USP34: variants seen among roughly 807,000 people sequenced by gnomAD.
The protein encoded by USP34 is ubiquitin specific peptidase 34.
In USP34, 70 loss-of-function variants were observed where a neutral mutation model predicts 460.3. The observed-to-expected ratio is 0.15, with a 90% CI of 0.13 to 0.19. The LOEUF (loss-of-function observed/expected upper bound fraction) is 0.19. Among genes scored for constraint, USP34 ranks in the 10% least tolerant of loss-of-function variants. The pLI, the probability that USP34 is intolerant of heterozygous loss-of-function variation, is 1.00. For missense variants in USP34, 3,985 were observed against 4,236.2 expected (o/e 0.94, Z 1.65); for synonymous variants, 1,647 against 1,405.3 (o/e 1.17, Z -3.85).
intron 1 of USP34, among the ~76,000 whole-genome samples, chr2:61,458,656 GAATGAAGCTAGCAGAGGCTAAGTCATGC>G (rs1695508842): frequency 6.7e-6 from 1 of 148,266 alleles, no homozygotes; most frequent in African/African-American, 2.5e-5. Flanking sequence ...GAGAACAAGG[GAATGAAGCTAGCAGAGGCTAAGTCATGC>G]AGAGCCTTCA....
chr2:61,237,163 T>C (rs2103847315), intron 53 of USP34, among the ~76,000 whole-genome samples: 1 of 152,328 alleles, frequency 6.6e-6, no homozygotes, highest in East Asian at 1.9e-4. Context: ...AATCAGTGAA[T>C]AGCCGGCTTC....
chr2:61,307,427 C>T (rs920800386), intron 27 of USP34, among the ~76,000 whole-genome samples: 4 of 151,466 alleles, frequency 2.6e-5, no homozygotes, highest in African/African-American at 4.9e-5. Flanking sequence ...AACAAACCTG[C>T]GCGTTGTGCA....
rs75112335 is a variant in USP34 at position 61,227,023 on chromosome 2, A to G, written c.7595+44T>C. ...TGGTAAACAATTATGTAAAAATAAT[A>G]AAACCAAACATGCTTTAAACATTTT... On this transcript the variant is annotated intron_variant, in intron 62 of 79. Transcript: ENST00000398571. 172 of 1,548,632 alleles carry G rather than the reference A, an allele frequency of 1.1e-4. 2 individuals carry two copies. The East Asian group carries it at 3.9e-3, about 35-fold the overall frequency.
intron 21 of USP34, among the ~76,000 whole-genome samples, chr2:61,319,935 T>C (rs1457136944): frequency 6.6e-6 from 1 of 152,224 alleles, no homozygotes; most frequent in Non-Finnish European, 1.5e-5. Flanking sequence ...TATATATACA[T>C]TTAAGAAAGA....
intron 1 of USP34, among the ~76,000 whole-genome samples, chr2:61,421,803 G>GCA (rs1351783863): frequency 5.9e-5 from 9 of 151,646 alleles, no homozygotes; most frequent in Non-Finnish European, 1.2e-4. Context: ...ACACACGCGC[G>GCA]CGCGCGCACC....
intron 1 of USP34, among the ~76,000 whole-genome samples, chr2:61,467,327 A>G (rs1695802082): frequency 6.6e-6 from 1 of 151,842 alleles, no homozygotes; most frequent in African/African-American, 2.4e-5. Flanking sequence ...AAAAATAATA[A>G]TAATAAAAAA....
At chr2:61,461,915 T>TA (rs1043205414) in intron 1 of USP34, among the ~76,000 whole-genome samples, 1 of 152,146 alleles carries the variant, frequency 6.6e-6, no homozygotes, top group African/African-American at 2.4e-5. Context: ...ACAGATATAT[T>TA]AAATTTTATA....
chr2:61,288,613 C>T, intron 34 of USP34, 64 bp downstream of exon 34: 1 of 1,513,090 alleles, frequency 6.6e-7, no homozygotes, highest in Middle Eastern at 1.7e-4. Context: ...TAAGCATTAG[C>T]ATATTTCTTC....
intron 43 of USP34, among the ~76,000 whole-genome samples, chr2:61,260,591 G>C (rs1688850331): frequency 6.6e-6 from 1 of 151,954 alleles, no homozygotes; most frequent in African/African-American, 2.4e-5. Flanking sequence ...GTCAAGATAT[G>C]GACTAAAACA....
intron 1 of USP34, among the ~76,000 whole-genome samples, chr2:61,425,906 G>C (rs1446966717): frequency 2.0e-5 from 3 of 151,778 alleles, no homozygotes; most frequent in Non-Finnish European, 4.4e-5. Context: ...GAAGAGTGGG[G>C]GGGACTCTCT....
intron 75 of USP34, among the ~76,000 whole-genome samples, chr2:61,194,451 C>G (rs1686736655): frequency 6.6e-6 from 1 of 152,088 alleles, no homozygotes; most frequent in Non-Finnish European, 1.5e-5. Flanking sequence ...GCCCTCAGGC[C>G]AAATCTGACC....
intron 31 of USP34, 52 bp downstream of exon 31, chr2:61,295,116 T>C (rs1270253841): frequency 1.9e-6 from 3 of 1,597,282 alleles, no homozygotes; most frequent in Non-Finnish European, 1.7e-6. Context: ...TTATAGAATT[T>C]TGCTCCAGAG....
intron 5 of USP34, among the ~76,000 whole-genome samples, chr2:61,387,621 T>TA: frequency 1.4e-5 from 2 of 147,054 alleles, no homozygotes; most frequent in African/African-American, 4.9e-5. Context: ...AAAATATATA[T>TA]TTTTACATAT....
chr2:61,330,659 C>T (rs1279749359), intron 20 of USP34, among the ~76,000 whole-genome samples: 20 of 152,168 alleles, frequency 1.3e-4, no homozygotes. Flanking sequence ...CCATAACAAT[C>T]AGCTCACCAG....
At chr2:61,340,657 T>A (rs1295415094) in intron 16 of USP34, among the ~76,000 whole-genome samples, 2 of 152,164 alleles carry the variant, frequency 1.3e-5, no homozygotes, top group Non-Finnish European at 2.9e-5. Context: ...GGTTTTTAAT[T>A]TCCATTTCCC....
In USP34 at chr2:61,462,317, G is replaced by A. The variant is rs140779959; in HGVS notation, c.43+8333C>T. On this transcript the variant is annotated intron_variant, in intron 1 of 79. Coordinates refer to ENST00000398571, the MANE Select transcript of USP34 (RefSeq NM_014709.4). ...TAATCCCAGCAGTTTGGGAGGCCGA[G>A]GTGGGTGAATCACTTGAGGCTAGGA... 6.5e-3 allele frequency among the ~76,000 whole-genome samples: 987 copies of A among 151,814 alleles called. 7 individuals are homozygous for A. Among genetic ancestry groups the A allele is most frequent in the Non-Finnish European group, 9.6e-3 (654 of 67,958 alleles).
intron 3 of USP34, among the ~76,000 whole-genome samples, chr2:61,396,247 G>C (rs189390168): frequency 6.6e-6 from 1 of 152,194 alleles, no homozygotes; most frequent in Admixed American, 6.5e-5. Context: ...CTGCCTAAAA[G>C]CACAGTTATC....
intron 10 of USP34, among the ~76,000 whole-genome samples, chr2:61,355,458 A>C (rs1692074004): frequency 6.6e-6 from 1 of 152,192 alleles, no homozygotes; most frequent in Non-Finnish European, 1.5e-5. Flanking sequence ...AAAAATGGAG[A>C]GATGGAGTCA....
chr2:61,345,479 A>T (rs1406455365), intron 15 of USP34, among the ~76,000 whole-genome samples: 1 of 152,218 alleles, frequency 6.6e-6, no homozygotes, highest in Non-Finnish European at 1.5e-5. Flanking sequence ...TCAATCTGAT[A>T]AAGGGCATAC....
Sources: allele counts gnomAD v4.1 joint callset (sites outside exome capture counted in the v4.1 genomes callset), GRCh38; gene constraint gnomAD v4.1.1; transcripts MANE v1.5; gene names NCBI Gene and HGNC (gene_info 2026-07-23, HGNC 2026-07-21).